EPAS1: variants seen among roughly 807,000 people sequenced by gnomAD.
EPAS1 encodes endothelial PAS domain-containing protein 1.
A neutral mutation model predicts 87.9 loss-of-function variants in EPAS1; 23 were observed. The ratio of observed to expected loss-of-function variants is 0.26; its 90% CI spans 0.19 to 0.37. The LOEUF (loss-of-function observed/expected upper bound fraction) is 0.37. Among genes scored for constraint, EPAS1 ranks in the 10% least tolerant of loss-of-function variants. EPAS1 has a pLI of 1.00. For missense variants in EPAS1, 1,138 were observed against 1,120.7 expected (o/e 1.02, Z -0.22); for synonymous variants, 508 against 444.3 (o/e 1.14, Z -1.80).
chr2:46,330,359 A>G (rs918799604), intron 1 of EPAS1, among the ~76,000 whole-genome samples: 6 of 152,206 alleles, frequency 3.9e-5, no homozygotes, highest in Non-Finnish European at 8.8e-5. Flanking sequence ...CTAGGCACAC[A>G]TAGATGGGTA....
At chr2:46,365,118 T>C (rs1464039634) in intron 6 of EPAS1, among the ~76,000 whole-genome samples, 1 of 152,332 alleles carries the variant, frequency 6.6e-6, no homozygotes, top group Middle Eastern at 3.4e-3. Flanking sequence ...GTCAGGGAGA[T>C]AGAGGCCAGG....
chr2:46,326,632 A>T (rs758737428), intron 1 of EPAS1, among the ~76,000 whole-genome samples: 1 of 152,190 alleles, frequency 6.6e-6, no homozygotes, highest in African/African-American at 2.4e-5. Flanking sequence ...TCATTTGTAC[A>T]TATTTGGAGT....
At chr2:46,306,689 CTTTG>C (rs1314124126) in intron 1 of EPAS1, among the ~76,000 whole-genome samples, 9 of 152,082 alleles carry the variant, frequency 5.9e-5, no homozygotes, top group African/African-American at 2.2e-4. Context: ...GGTTACTTGG[CTTTG>C]TTTATGAATT....
At chr2:46,373,159 C>T (rs1684663338) in intron 7 of EPAS1, among the ~76,000 whole-genome samples, 1 of 152,174 alleles carries the variant, frequency 6.6e-6, no homozygotes, top group African/African-American at 2.4e-5. Context: ...AATACTTATC[C>T]TCCCTGTGGC....
Position 46,360,862 on chromosome 2 carries a change from T to C in EPAS1, c.574-23T>C. ...CCCCCAGCACTCTCGGCTCCATGTC[T>C]GACCCTTCCACGCCTGTCTCAGGTC... On this transcript the variant is annotated intron_variant, in intron 5 of 15. Coordinates refer to ENST00000263734, the MANE Select transcript of EPAS1 (RefSeq NM_001430.5). The surrounding 1 kb of genome is among the most constrained non-coding windows in gnomAD (Gnocchi z 4.5). 3 of 1,614,128 alleles carry C rather than the reference T, an allele frequency of 1.9e-6. No individual in the cohort carries two copies. The highest frequency in any genetic ancestry group is 2.5e-6 in the Non-Finnish European group (3 of 1,179,978).
intron 2 of EPAS1, among the ~76,000 whole-genome samples, chr2:46,351,930 G>GCCTGAAGGAAATGAGCGTTGCTC (rs563670153): frequency 8.2e-4 from 125 of 152,340 alleles, no homozygotes; most frequent in Middle Eastern, 3.4e-3. Context: ...GGGCGGTGCT[G>GCCTGAAGGAAATGAGCGTTGCTC]CCTGAAGGAA....
chr2:46,350,482 G>A (rs949696540), intron 2 of EPAS1, among the ~76,000 whole-genome samples: 1 of 152,232 alleles, frequency 6.6e-6, no homozygotes, highest in South Asian at 2.1e-4. Context: ...CAGGCTGTGG[G>A]TCTGGGCTGC....
intron 1 of EPAS1, among the ~76,000 whole-genome samples, chr2:46,323,934 C>G (rs751790860): frequency 1.3e-5 from 2 of 152,188 alleles, no homozygotes; most frequent in African/African-American, 2.4e-5. Context: ...CGTGTTTCTG[C>G]CAGCCCATAC....
chr2:46,338,793 G>T (rs771106015), intron 1 of EPAS1, among the ~76,000 whole-genome samples: 14 of 152,144 alleles, frequency 9.2e-5, no homozygotes, highest in Non-Finnish European at 1.8e-4. Flanking sequence ...GGCTGAGACT[G>T]TTGCATGTTC....
intron 11 of EPAS1, chr2:46,379,836 C>T (rs995741713): frequency 3.5e-6 from 1 of 286,578 alleles, no homozygotes; most frequent in South Asian, 4.3e-5. Flanking sequence ...AAAAAAGCCA[C>T]AGTGTGCACC....
intron 7 of EPAS1, 131 bp downstream of exon 7, chr2:46,370,064 C>T: frequency 2.6e-6 from 2 of 756,230 alleles, no homozygotes; most frequent in Middle Eastern, 3.6e-4. Context: ...GCAGACAAGA[C>T]TTATGCCCTC....
intron 1 of EPAS1, among the ~76,000 whole-genome samples, chr2:46,329,071 A>C (rs374042777): frequency 4.6e-5 from 7 of 152,222 alleles, no homozygotes; most frequent in African/African-American, 1.7e-4. Context: ...GCAAAGAAAA[A>C]GTCTTAAGAA....
rs886774532 is a variant in EPAS1 at position 46,300,033 on chromosome 2, A to G, written c.26+2096A>G. ...CTGGATTTTTGTGCTGCAGAATGGC[A>G]GGGCAAACAGCGTGTCCTTCACCAT... On this transcript the variant is annotated intron_variant, in intron 1 of 15. Coordinates refer to ENST00000263734, the MANE Select transcript of EPAS1 (RefSeq NM_001430.5). This position sits in a 1 kb window ranked among gnomAD's most constrained non-coding sequence, Gnocchi z 4.1. Among the ~76,000 whole-genome samples the G allele has an allele frequency of 3.9e-5, 6 of 152,228 alleles. No homozygotes were observed. Among genetic ancestry groups the G allele is most frequent in the African/African-American group, 1.2e-4 (5 of 41,456 alleles).
chr2:46,344,453 T>A (rs1019624311), intron 1 of EPAS1, among the ~76,000 whole-genome samples: 5 of 152,348 alleles, frequency 3.3e-5, no homozygotes, highest in African/African-American at 9.6e-5. Flanking sequence ...GGGTTAGTAA[T>A]GAAATCCAGC....
At chr2:46,359,866 A>T (rs1280238012) in intron 4 of EPAS1, among the ~76,000 whole-genome samples, 2 of 152,208 alleles carry the variant, frequency 1.3e-5, no homozygotes, top group African/African-American at 4.8e-5. Flanking sequence ...ACTTTGTTTT[A>T]CAAAAAGTGG....
At chr2:46,332,018 A>G (rs1184049177) in intron 1 of EPAS1, among the ~76,000 whole-genome samples, 1 of 152,152 alleles carries the variant, frequency 6.6e-6, no homozygotes, top group East Asian at 1.9e-4. Context: ...TATCTGCTGG[A>G]CAGAACTGAG....
chr2:46,384,484 G>T, intron 15 of EPAS1, 25 bp from the exon 16 acceptor site: 4 of 1,614,222 alleles, frequency 2.5e-6, no homozygotes, highest in Non-Finnish European at 3.4e-6. Context: ...AGGCCTTTAA[G>T]TTATGGTACC....
intron 1 of EPAS1, among the ~76,000 whole-genome samples, chr2:46,339,318 A>T (rs1158207504): frequency 6.6e-6 from 1 of 152,234 alleles, no homozygotes; most frequent in African/African-American, 2.4e-5. Flanking sequence ...AAAGGAAATT[A>T]TGTGTTGGGA....
chr2:46,380,156 G>C lies in EPAS1; in HGVS notation c.1555-71G>C. 1 of 1,598,744 alleles carries C rather than the reference G, an allele frequency of 6.3e-7. No individual in the cohort carries two copies. Among genetic ancestry groups the C allele is most frequent in the African/African-American group, 1.3e-5 (1 of 75,000 alleles). ...GCTTGAGATGAATGGCTCTGCAGGAGCTGAGTTGGAATAGTGTTTGTGAGG... is the reference window on the plus strand; with the variant it reads ...GCTTGAGATGAATGGCTCTGCAGGACCTGAGTTGGAATAGTGTTTGTGAGG... On this transcript the variant is annotated intron_variant, in intron 11 of 15. Coordinates refer to ENST00000263734, the MANE Select transcript of EPAS1 (RefSeq NM_001430.5). The surrounding 1 kb of genome is among the most constrained non-coding windows in gnomAD (Gnocchi z 4.4).
Sources: allele counts gnomAD v4.1 joint callset (sites outside exome capture counted in the v4.1 genomes callset), GRCh38; gene constraint gnomAD v4.1.1; non-coding constraint Gnocchi (gnomAD v3.1); transcripts MANE v1.5; gene names NCBI Gene and HGNC (gene_info 2026-07-23, HGNC 2026-07-21).